Variants in ELF2 observed in about 807,000 individuals in gnomAD.
ELF2 encodes ETS-related transcription factor Elf-2.
A neutral mutation model predicts 54.8 loss-of-function variants in ELF2; 11 were observed. The observed-to-expected ratio is 0.20, with a 90% CI of 0.13 to 0.33. The LOEUF is 0.33. Ranked by LOEUF, ELF2 falls within the 10% of genes least tolerant of loss-of-function variation. The pLI, the probability that ELF2 is intolerant of heterozygous loss-of-function variation, is 1.00. For synonymous variants in ELF2, 203 were observed against 245.1 expected (o/e 0.83, Z 1.61); for missense variants, 513 against 703.0 (o/e 0.73, Z 3.06).
At chr4:139,144,998 T>A (rs141328178) in intron 1 of ELF2, among the ~76,000 whole-genome samples, 3 of 152,148 alleles carry the variant, frequency 2.0e-5, no homozygotes, top group African/African-American at 7.2e-5. Flanking sequence ...ATGGGTAACA[T>A]AAGACAAGCA....
rs1472332003 is a variant in ELF2, at chr4:139,058,772, T to G, written c.*211A>C. On this transcript the variant is annotated 3_prime_UTR_variant, in exon 10 of 10. Coordinates refer to ENST00000686138, the MANE Select transcript of ELF2 (RefSeq NM_001331036.3). The stretch of plus-strand genomic sequence containing the variant: ...TGATGGGTTCAGTTGTTTCCTACTG[T>G]AAGAGGCAGTTTTCTGTCAGCATCT... The G allele has an allele frequency of 1.6e-6, 1 of 617,778 alleles. No individual in the cohort carries two copies. The highest frequency in any genetic ancestry group is 3.2e-5 in the East Asian group (1 of 31,706). 38.3% of individuals were successfully genotyped at this position (617,778 alleles called of 1,614,324 possible). A position where few individuals can be genotyped will look rare whatever the true frequency, so the allele number is the denominator to read the frequency against.
rs1002583205 is a variant in ELF2 at position 139,058,407 on chromosome 4, G to GTGTATATATATATATA, written c.*575_*576insTATATATATATATACA. 370 of 142,088 alleles carry GTGTATATATATATATA rather than the reference G, an allele frequency of 2.6e-3. 4 individuals are homozygous for GTGTATATATATATATA. The highest frequency in any genetic ancestry group is 9.1e-3 in the African/African-American group (354 of 38,808). 8.8% of individuals were successfully genotyped at this position (142,088 alleles called of 1,614,324 possible). On this transcript the variant is annotated 3_prime_UTR_variant, in exon 10 of 10. Coordinates refer to ENST00000686138, the MANE Select transcript of ELF2 (RefSeq NM_001331036.3). ...AGCTATATGATATATATATATGTAT[G>GTGTATATATATATATA]TATATATATATATATATATATATAA...
In ELF2 at chr4:139,060,446, A is replaced by AG; in HGVS notation, c.1034dup (p.Ile346TyrfsTer12). 1 of 1,614,200 alleles carries AG rather than the reference A, an allele frequency of 6.2e-7. No homozygotes were observed. Among genetic ancestry groups the AG allele is most frequent in the Admixed American group, 1.7e-5 (1 of 60,024 alleles). ...CCTTCTCTGCTCTGGAGCAGTTTAT[A>AG]GGGGATGAATTTTTTCCACTGCGAA... On this transcript the variant is annotated frameshift_variant, in exon 9 of 10. Transcript: ENST00000686138. LOFTEE classifies it high-confidence loss of function.
At chr4:139,080,542 C>T (rs1730962236) in intron 4 of ELF2, among the ~76,000 whole-genome samples, 1 of 152,050 alleles carries the variant, frequency 6.6e-6, no homozygotes, top group Non-Finnish European at 1.5e-5. Flanking sequence ...ATTTCACCTT[C>T]ATTTAATAAC....
chr4:139,084,034 T>G, intron 4 of ELF2: 3 of 1,587,638 alleles, frequency 1.9e-6, no homozygotes, highest in South Asian at 2.2e-5. Flanking sequence ...GTGGACACTG[T>G]ACCCCCAGCA....
intron 4 of ELF2, among the ~76,000 whole-genome samples, chr4:139,100,143 T>C (rs1733719707): frequency 6.6e-6 from 1 of 152,248 alleles, no homozygotes; most frequent in African/African-American, 2.4e-5. Context: ...TTCCACCACT[T>C]AAATAGCTAT....
At chr4:139,150,812 G>A (rs1288844488) in intron 1 of ELF2, among the ~76,000 whole-genome samples, 2 of 151,986 alleles carry the variant, frequency 1.3e-5, no homozygotes, top group African/African-American at 4.8e-5. Flanking sequence ...CACAAGGTCA[G>A]GAGATTGAGA....
At position 139,057,944 on chromosome 4, in the gene ELF2, G is replaced by A. The variant is rs1372108985; in HGVS notation, c.*1039C>T. The A allele has an allele frequency of 6.6e-6, 1 of 152,288 alleles. No homozygotes were observed. The highest frequency in any genetic ancestry group is 1.9e-4 in the East Asian group (1 of 5,180). The allele number at this position is 152,288 out of a possible 1,614,324, so 9.4% of individuals were successfully genotyped here. On this transcript the variant is annotated 3_prime_UTR_variant, in exon 10 of 10. Coordinates refer to ENST00000686138, the MANE Select transcript of ELF2 (RefSeq NM_001331036.3). ...CAACAAAATAGAATATACTTCAAAT[G>A]TTGAATATACAAACTATTATAGTTC... is the stretch of plus-strand genomic sequence containing the variant.
chr4:139,144,821 T>TG (rs1477532960), intron 1 of ELF2, among the ~76,000 whole-genome samples: 15 of 152,196 alleles, frequency 9.9e-5, no homozygotes, highest in Non-Finnish European at 2.2e-4. Flanking sequence ...AAGCCCAACA[T>TG]GGATCTGTGC....
chr4:139,092,800 AAAAT>A (rs1242036908), intron 4 of ELF2, among the ~76,000 whole-genome samples: 4 of 151,974 alleles, frequency 2.6e-5, no homozygotes, highest in African/African-American at 4.8e-5. Flanking sequence ...CTCCGTCTCA[AAAAT>A]AAATAAATAA....
intron 3 of ELF2, among the ~76,000 whole-genome samples, chr4:139,129,487 C>T (rs1737277621): frequency 6.6e-6 from 1 of 152,202 alleles, no homozygotes; most frequent in East Asian, 1.9e-4. Flanking sequence ...ACTTTAACAT[C>T]ACTACAGGAA....
In ELF2 at chr4:139,169,344, T is replaced by TC. The variant is rs200920265; in HGVS notation, c.-252+7622_-252+7623insG. Among the ~76,000 whole-genome samples, 720 of 86,092 alleles carry TC rather than the reference T, an allele frequency of 8.4e-3. 110 individuals carry two copies. The highest frequency in any genetic ancestry group is 0.018 in the African/African-American group (292 of 15,956). 56.5% of individuals were successfully genotyped at this position (86,092 alleles called of 152,430 possible). On this transcript the variant is annotated intron_variant, in intron 1 of 9. Transcript: ENST00000686138. Reference sequence around the variant, plus strand: ...ACCTGGGCTACAGAGCGGGACTACATTTAAAAAAAAAAAAAAAAAAAACTA... The same window carrying TC: ...ACCTGGGCTACAGAGCGGGACTACATCTTAAAAAAAAAAAAAAAAAAAACTA...
chr4:139,073,190 A>G (rs1729762100), intron 5 of ELF2, among the ~76,000 whole-genome samples: 1 of 152,214 alleles, frequency 6.6e-6, no homozygotes, highest in Non-Finnish European at 1.5e-5. Context: ...GAGTTAAGGA[A>G]ATAGACATGA....
intron 4 of ELF2, among the ~76,000 whole-genome samples, chr4:139,106,935 G>A (rs1281261970): frequency 6.6e-6 from 1 of 151,418 alleles, no homozygotes; most frequent in African/African-American, 2.4e-5. Context: ...TAGCAGAGAA[G>A]GGGTTTCACC....
At chr4:139,128,100 T>C (rs1341845281) in intron 3 of ELF2, among the ~76,000 whole-genome samples, 3 of 151,160 alleles carry the variant, frequency 2.0e-5, no homozygotes, top group Non-Finnish European at 4.4e-5. Flanking sequence ...GGAGACCCTA[T>C]CTCTAGAAAA....
intron 1 of ELF2, among the ~76,000 whole-genome samples, chr4:139,156,495 T>G (rs1276875069): frequency 6.6e-6 from 1 of 151,764 alleles, no homozygotes; most frequent in African/African-American, 2.4e-5. Context: ...ATACATATAT[T>G]CTTGTGTGGT....
chr4:139,161,652 TAAAAAAAAAAAAAAA>T (rs57452146), intron 1 of ELF2, among the ~76,000 whole-genome samples: 7 of 70,028 alleles, frequency 1.0e-4, no homozygotes, highest in Middle Eastern at 0.024. Context: ...TAAAACTGTT[TAAAAAAAAAAAAAAA>T]AAAAAAAAAA....
rs1341194603 is a variant in ELF2 at position 139,060,465 on chromosome 4, C to G, written c.1016G>C (p.Ser339Thr). ...GTTTATAGGGGATGAATTTTTTCCA[C>G]TGCGAACAGAGGATGCTGCTTTCAG... Reference protein sequence around the residue: ...SLLKAASSVRSGKNSSPINCS... With the variant: ...SLLKAASSVRTGKNSSPINCS... Residue 339 changes from serine (S) to threonine (T), a missense_variant, in exon 9 of 10, where the codon AGT becomes ACT. Ser to Thr is a moderately conservative substitution (Grantham distance 58). Around this residue, in one of 3 missense-constraint regions of ELF2, gnomAD observed 291 missense variants for 366.1 expected, o/e 0.79. Coordinates refer to ENST00000686138, the MANE Select transcript of ELF2 (RefSeq NM_001331036.3). The G allele has an allele frequency of 6.2e-7, 1 of 1,614,200 alleles. No individual in the cohort carries two copies. The highest frequency in any genetic ancestry group is 1.3e-5 in the African/African-American group (1 of 75,036).
intron 1 of ELF2, among the ~76,000 whole-genome samples, chr4:139,165,302 TTC>T (rs1293213108): frequency 1.3e-5 from 2 of 152,248 alleles, no homozygotes; most frequent in African/African-American, 2.4e-5. Flanking sequence ...TGACCTATGA[TTC>T]TGTTTTGATC....
Sources: allele counts gnomAD v4.1 joint callset (sites outside exome capture counted in the v4.1 genomes callset), GRCh38; gene constraint gnomAD v4.1.1; regional missense constraint gnomAD v4.1.1; transcripts MANE v1.5; gene names NCBI Gene and HGNC (gene_info 2026-07-23, HGNC 2026-07-21).